DUSP22: variants seen among roughly 807,000 people sequenced by gnomAD.
DUSP22 encodes the protein dual specificity protein phosphatase 22.
Under a neutral mutation model 24.5 loss-of-function variants are expected in DUSP22, and 24 were observed. The observed-to-expected ratio is 0.98, with a 90% CI of 0.71 to 1.38. The LOEUF (loss-of-function observed/expected upper bound fraction) is 1.38. DUSP22 is among the 40% of genes most tolerant of loss of function. DUSP22 has a pLI of 0.00. For missense variants in DUSP22, 330 were observed against 269.2 expected (o/e 1.23, Z -1.58); for synonymous variants, 160 against 106.4 (o/e 1.50, Z -3.10).
intron 3 of DUSP22, chr6:325,543 A>AGTGCT (rs1758822297): frequency 6.8e-6 from 1 of 146,982 alleles, no homozygotes; most frequent in Non-Finnish European, 1.3e-5. Context: ...TGGTGTGTGC[A>AGTGCT]ATGCTGTATC....
chr6:315,444 C>G (rs1005387313), intron 3 of DUSP22, among the ~76,000 whole-genome samples: 3 of 152,302 alleles, frequency 2.0e-5, no homozygotes, highest in African/African-American at 7.2e-5. Flanking sequence ...TGATGGGAAG[C>G]CGGGACTCCT....
chr6:328,621 T>C (rs1197564102), intron 3 of DUSP22, among the ~76,000 whole-genome samples: 3 of 152,300 alleles, frequency 2.0e-5, no homozygotes, highest in African/African-American at 7.2e-5. Context: ...TTCTTGGAAG[T>C]TATTATTTGT....
At chr6:298,104 T>G (rs1326712318) in intron 1 of DUSP22, among the ~76,000 whole-genome samples, 2 of 152,308 alleles carry the variant, frequency 1.3e-5, no homozygotes, top group Non-Finnish European at 2.9e-5. Flanking sequence ...GTTCCTTTCC[T>G]CTACACCACC....
intron 3 of DUSP22, among the ~76,000 whole-genome samples, chr6:323,733 A>C (rs1758714489): frequency 6.6e-6 from 1 of 152,300 alleles, no homozygotes; most frequent in African/African-American, 2.4e-5. Flanking sequence ...TGAGACTCCT[A>C]CTCTTGGAAA....
chr6:320,281 C>T (rs1316299012), intron 3 of DUSP22: 1 of 152,820 alleles, frequency 6.5e-6, no homozygotes, highest in Non-Finnish European at 1.5e-5. Context: ...GCAGGACACT[C>T]TTCCTAGATG....
chr6:305,250 G>C (rs1238859660), intron 2 of DUSP22, among the ~76,000 whole-genome samples: 2 of 152,290 alleles, frequency 1.3e-5, no homozygotes, highest in African/African-American at 4.8e-5. Context: ...CTTGCTGGGT[G>C]CACCGCAGCC....
At chr6:309,149 G>A (rs995391731) in intron 2 of DUSP22, among the ~76,000 whole-genome samples, 6 of 152,304 alleles carry the variant, frequency 3.9e-5, no homozygotes, top group Admixed American at 1.3e-4. Flanking sequence ...ACTTGTGAGG[G>A]GTTGGGGGTT....
At chr6:312,000 T>C (rs113680599) in intron 3 of DUSP22, 38 bp downstream of exon 3, 1 of 1,593,862 alleles carries the variant, frequency 6.3e-7, no homozygotes, top group Non-Finnish European at 8.6e-7. Context: ...GGTGTCCTCA[T>C]TTGTATTCCG....
intron 1 of DUSP22, among the ~76,000 whole-genome samples, chr6:300,445 G>A (rs1757527015): frequency 6.6e-6 from 1 of 152,308 alleles, no homozygotes; most frequent in East Asian, 1.9e-4. Flanking sequence ...ATCCTTTGGA[G>A]GGACCACTCA....
intron 3 of DUSP22, among the ~76,000 whole-genome samples, chr6:313,771 A>G (rs956555192): frequency 6.6e-6 from 1 of 152,302 alleles, no homozygotes; most frequent in Non-Finnish European, 1.5e-5. Flanking sequence ...CATTTTATCA[A>G]TCTTTAATTT....
chr6:348,312 G>A, intron 6 of DUSP22, 38 bp downstream of exon 6: 2 of 1,612,726 alleles, frequency 1.2e-6, no homozygotes, highest in Non-Finnish European at 1.7e-6. Context: ...ATGCAGGCAG[G>A]TGCCCCTGAA....
chr6:294,455 A>G (rs1030074791), intron 1 of DUSP22, among the ~76,000 whole-genome samples: 4 of 152,306 alleles, frequency 2.6e-5, no homozygotes, highest in African/African-American at 7.2e-5. Flanking sequence ...TGCGAGCTAT[A>G]TATGTAACTT....
chr6:332,148 G>T (rs554306896), intron 3 of DUSP22, among the ~76,000 whole-genome samples: 104 of 152,392 alleles, frequency 6.8e-4, no homozygotes, highest in South Asian at 2.3e-3. Context: ...CTGTGTGCCG[G>T]GCACCCTTGC....
At chr6:315,810 G>T (rs553075929) in intron 3 of DUSP22, among the ~76,000 whole-genome samples, 733 of 152,160 alleles carry the variant, frequency 4.8e-3, no homozygotes, top group Non-Finnish European at 7.7e-3. Context: ...CTTGGGACAG[G>T]TACTGTGGGT....
Position 348,881 on chromosome 6 carries a change from G to T in DUSP22, c.548G>T (p.Gly183Val), listed in dbSNP as rs1264495660. Residue 183 changes from glycine to valine, a missense_variant, in exon 7 of 7, where the codon GGC (glycine) becomes GTC (valine). Physicochemically the swap from Gly to Val is moderately radical, Grantham distance 109. Coordinates refer to ENST00000419235, the MANE Select transcript of DUSP22 (RefSeq NM_001286555.3). The part of the protein sequence containing the change: ...KEQGRTEPQP[G>V]ARRWSSFPAL... ...CAAGGGCGCACAGAGCCCCAGCCCG[G>T]CGCCAGGCGGTGGAGCAGTTTTCCG... The T allele has an allele frequency of 6.2e-7, 1 of 1,614,218 alleles. No homozygotes were observed.
At chr6:335,196 A>T in intron 4 of DUSP22, 33 bp downstream of exon 4, 1 of 1,607,124 alleles carries the variant, frequency 6.2e-7, no homozygotes, top group Non-Finnish European at 8.5e-7. Flanking sequence ...ATTTGGAGAC[A>T]TTTAAAAAAA....
Position 349,248 on chromosome 6 carries a change from T to G in DUSP22, c.*297T>G. On this transcript the variant is annotated 3_prime_UTR_variant, in exon 7 of 7. Transcript: ENST00000419235. ...ACTTGTGTGTGGGTGACTAAGTGGA[T>G]GCATGTGTGTGCCTGTGTGAGTGAG... 10 of 1,349,040 alleles carry G rather than the reference T, an allele frequency of 7.4e-6. No individual in the cohort carries two copies. The highest frequency in any genetic ancestry group is 9.6e-6 in the Non-Finnish European group (10 of 1,047,070). The allele number at this position is 1,349,040 out of a possible 1,614,324, so 83.6% of individuals were successfully genotyped here. A position where few individuals can be genotyped will look rare whatever the true frequency, so the allele number is the denominator to read the frequency against.
At chr6:317,890 G>A (rs1450075852) in intron 3 of DUSP22, among the ~76,000 whole-genome samples, 1 of 152,292 alleles carries the variant, frequency 6.6e-6, no homozygotes, top group African/African-American at 2.4e-5. Flanking sequence ...GTTCCAAAGT[G>A]AGAAATCATG....
intron 3 of DUSP22, among the ~76,000 whole-genome samples, chr6:333,866 C>T (rs537612509): frequency 1.2e-4 from 18 of 152,408 alleles, no homozygotes; most frequent in East Asian, 3.9e-4. Context: ...TCCCTAATCG[C>T]GAGGGAGGTT....
Sources: allele counts gnomAD v4.1 joint callset (sites outside exome capture counted in the v4.1 genomes callset), GRCh38; gene constraint gnomAD v4.1.1; transcripts MANE v1.5; gene names NCBI Gene and HGNC (gene_info 2026-07-23, HGNC 2026-07-21).